The following ARHGAP10 variants were observed in gnomAD, a reference collection of about 807,000 sequenced individuals.
The protein encoded by ARHGAP10 is rho GTPase-activating protein 10.
In ARHGAP10, 87 loss-of-function variants were observed where a neutral mutation model predicts 108.6. The ratio of observed to expected loss-of-function variants is 0.80; its 90% CI spans 0.67 to 0.96. ARHGAP10 has a LOEUF of 0.96. ARHGAP10 is among the 40% of genes least tolerant of loss of function. The pLI is 0.00. For missense variants in ARHGAP10, 939 were observed against 954.5 expected, an observed-to-expected ratio of 0.98 and a Z score of 0.21; for synonymous variants, 347 against 341.1, an observed-to-expected ratio of 1.02 and a Z score of -0.19.
At chr4:147,908,616 G>T (rs1380338096) in intron 11 of ARHGAP10, among the ~76,000 whole-genome samples, 1 of 152,202 alleles carries the variant, frequency 6.6e-6, no homozygotes, top group Non-Finnish European at 1.5e-5. Context: ...GTTCTTAAAG[G>T]TTGCCTAGAA....
intron 19 of ARHGAP10, among the ~76,000 whole-genome samples, chr4:148,044,817 A>C (rs990189081): frequency 3.3e-5 from 5 of 152,180 alleles, no homozygotes; most frequent in Non-Finnish European, 7.4e-5. Context: ...GAAAGAAAAT[A>C]CATTAAAAGG....
At chr4:147,789,749 T>G (rs1201572576) in intron 1 of ARHGAP10, among the ~76,000 whole-genome samples, 1 of 152,128 alleles carries the variant, frequency 6.6e-6, no homozygotes, top group African/African-American at 2.4e-5. Context: ...AACTCTGACC[T>G]TTTGTATTTT....
intron 13 of ARHGAP10, chr4:147,916,691 G>A (rs192993567): frequency 1.6e-4 from 25 of 152,298 alleles, no homozygotes; most frequent in African/African-American, 4.3e-4. Context: ...GGGGTCCATC[G>A]CTGATGTTAT....
At chr4:147,892,017 A>G in intron 10 of ARHGAP10, among the ~76,000 whole-genome samples, 1 of 152,110 alleles carries the variant, frequency 6.6e-6, no homozygotes, top group African/African-American at 2.4e-5. Context: ...CCCACACATC[A>G]CATTCAGGCA....
intron 19 of ARHGAP10, among the ~76,000 whole-genome samples, chr4:148,025,492 T>C (rs1279666723): frequency 6.6e-6 from 1 of 152,010 alleles, no homozygotes; most frequent in Admixed American, 6.5e-5. Context: ...TTGCCCTCAG[T>C]TTTTTGTAGT....
At chr4:147,891,907 A>G (rs1735807925) in intron 10 of ARHGAP10, among the ~76,000 whole-genome samples, 2 of 152,222 alleles carry the variant, frequency 1.3e-5, no homozygotes, top group African/African-American at 2.4e-5. Context: ...GTTATATAAC[A>G]TGCTGTTAGC....
intron 3 of ARHGAP10, 27 bp from the exon 4 acceptor site, chr4:147,847,124 T>G (rs1240901753): frequency 6.3e-7 from 1 of 1,585,780 alleles, no homozygotes; most frequent in Admixed American, 1.7e-5. Context: ...AATGCTGTGC[T>G]CTTTTGTTAT....
chr4:147,891,042 G>T (rs1340893629), intron 10 of ARHGAP10, among the ~76,000 whole-genome samples: 3 of 152,190 alleles, frequency 2.0e-5, no homozygotes, highest in Non-Finnish European at 2.9e-5. Context: ...AATTTAAATG[G>T]AATGCTGCTT....
chr4:147,832,319 G>A (rs905314353), intron 3 of ARHGAP10, among the ~76,000 whole-genome samples: 1 of 152,010 alleles, frequency 6.6e-6, no homozygotes, highest in Non-Finnish European at 1.5e-5. Context: ...AGAGAACTTA[G>A]GGAGACATAT....
At chr4:148,051,406 C>T (rs1053221859) in intron 20 of ARHGAP10, among the ~76,000 whole-genome samples, 1 of 152,184 alleles carries the variant, frequency 6.6e-6, no homozygotes, top group African/African-American at 2.4e-5. Context: ...TTGATGGAGC[C>T]GGGTCCTTGA....
rs374460007 is a variant in ARHGAP10, at chr4:147,992,840, G to A, written c.1716+26001G>A. On this transcript the variant is annotated intron_variant, in intron 18 of 22. Coordinates refer to ENST00000336498, the MANE Select transcript of ARHGAP10 (RefSeq NM_024605.4). Reference sequence around the variant, plus strand: ...CATGGAAGGTATGAGCTTGTACCACGGGACTTTCTACTTAAATAATGAAAG... The same window carrying A: ...CATGGAAGGTATGAGCTTGTACCACAGGACTTTCTACTTAAATAATGAAAG... Among the ~76,000 whole-genome samples, 9 of 152,230 alleles carry A rather than the reference G, an allele frequency of 5.9e-5. No individual in the cohort carries two copies. The South Asian group carries it at 6.2e-4, about 11-fold the overall frequency.
intron 15 of ARHGAP10, among the ~76,000 whole-genome samples, chr4:147,948,792 T>TA (rs1738483099): frequency 6.7e-6 from 1 of 149,484 alleles, no homozygotes; most frequent in Non-Finnish European, 1.5e-5. Context: ...CCGTCTCTAC[T>TA]AAAAAATACA....
At chr4:148,026,960 C>T (rs1727890841) in intron 19 of ARHGAP10, among the ~76,000 whole-genome samples, 1 of 152,198 alleles carries the variant, frequency 6.6e-6, no homozygotes, top group Non-Finnish European at 1.5e-5. Context: ...CCTGCCCCCA[C>T]TCCAAGTGCA....
intron 20 of ARHGAP10, among the ~76,000 whole-genome samples, chr4:148,054,839 T>G (rs974336322): frequency 1.3e-5 from 2 of 152,204 alleles, no homozygotes; most frequent in Admixed American, 6.5e-5. Context: ...TAAATCTCTT[T>G]GTAAGTGATT....
intron 18 of ARHGAP10, among the ~76,000 whole-genome samples, chr4:147,983,081 C>T (rs1340319601): frequency 1.3e-5 from 2 of 151,912 alleles, no homozygotes; most frequent in African/African-American, 4.8e-5. Context: ...GGGGTCTCAC[C>T]ATGTTGCCTA....
At chr4:147,985,835 C>G (rs1740024427) in intron 18 of ARHGAP10, among the ~76,000 whole-genome samples, 1 of 152,210 alleles carries the variant, frequency 6.6e-6, no homozygotes, top group Admixed American at 6.5e-5. Flanking sequence ...AGTGCTCTCC[C>G]TCGGCCTGGG....
chr4:147,855,718 A>C (rs1734059669), intron 4 of ARHGAP10, among the ~76,000 whole-genome samples: 1 of 130,760 alleles, frequency 7.6e-6, no homozygotes, highest in East Asian at 2.2e-4. Context: ...TTGTGCAGCT[A>C]GTTGGTAATT....
intron 7 of ARHGAP10, among the ~76,000 whole-genome samples, chr4:147,869,998 TTGTGTGTGTGTGTG>T (rs1553958575): frequency 1.8e-4 from 17 of 93,068 alleles, no homozygotes; most frequent in African/African-American, 6.2e-4. Context: ...AAGTCCCAGT[TTGTGTGTGTGTGTG>T]TGTGTGTGTG....
chr4:147,757,700 G>C (rs539076352), intron 1 of ARHGAP10, among the ~76,000 whole-genome samples: 1 of 152,270 alleles, frequency 6.6e-6, no homozygotes, highest in Admixed American at 6.5e-5. Flanking sequence ...CACCTTCCAC[G>C]ACTGCACACC....
Sources: allele counts gnomAD v4.1 joint callset (sites outside exome capture counted in the v4.1 genomes callset), GRCh38; gene constraint gnomAD v4.1.1; transcripts MANE v1.5; gene names NCBI Gene and HGNC (gene_info 2026-07-23, HGNC 2026-07-21).